The following GRID2 variants were observed in gnomAD, a reference collection of about 807,000 sequenced individuals.
GRID2 encodes glutamate ionotropic receptor delta type subunit 2, also known as glutamate receptor ionotropic, delta-2.
GRID2 carries 33 observed loss-of-function variants against 114.8 expected under a neutral mutation model. The ratio of observed to expected loss-of-function variants is 0.29; its 90% CI spans 0.22 to 0.38. The LOEUF (loss-of-function observed/expected upper bound fraction) is 0.38, where lower values mean the gene tolerates loss of function less well. Ranked by LOEUF, GRID2 falls within the 10% of genes least tolerant of loss-of-function variation. The pLI is 1.00. For synonymous variants in GRID2, 505 were observed against 449.9 expected (o/e 1.12, Z -1.55); for missense variants, 1,184 against 1,257.7 (o/e 0.94, Z 0.89).
At chr4:93,318,023 T>TATA (rs1560493013) in intron 8 of GRID2, among the ~76,000 whole-genome samples, 2 of 70,822 alleles carry the variant, frequency 2.8e-5, no homozygotes, top group Admixed American at 3.2e-4. Context: ...ATATATATAT[T>TATA]ACTACTTTCT....
intron 1 of GRID2, among the ~76,000 whole-genome samples, chr4:92,587,917 T>A (rs1292184671): frequency 6.6e-6 from 1 of 152,172 alleles, no homozygotes; most frequent in Non-Finnish European, 1.5e-5. Context: ...AGAAGCCCTT[T>A]TTTAAAGACT....
chr4:93,084,774 C>T (rs1004732769), intron 2 of GRID2, among the ~76,000 whole-genome samples: 1 of 152,160 alleles, frequency 6.6e-6, no homozygotes. Context: ...CCAAGAGAAG[C>T]CAAGTGATTT....
At chr4:92,707,130 G>A (rs1048087756) in intron 2 of GRID2, among the ~76,000 whole-genome samples, 4 of 152,098 alleles carry the variant, frequency 2.6e-5, no homozygotes, top group African/African-American at 7.2e-5. Context: ...TAAGTTACAT[G>A]TCTATAAGCT....
At position 92,998,419 on chromosome 4, in the gene GRID2, G is replaced by A. The variant is rs184621353; in HGVS notation, c.245-86576G>A. ...TTCCTGGATTTTCAAATTAAAGTAT[G>A]AGTTGCTTCGAAATTTAATTGAGGC... On this transcript the variant is annotated intron_variant, in intron 2 of 15. Coordinates refer to ENST00000282020, the MANE Select transcript of GRID2 (RefSeq NM_001510.4). 4.6e-5 allele frequency among the ~76,000 whole-genome samples: 7 copies of A among 152,052 alleles called. No individual in the cohort carries two copies. The East Asian group carries it at 1.2e-3, about 25-fold the overall frequency.
At chr4:92,557,660 T>TATATATATATAA (rs969259117) in intron 1 of GRID2, among the ~76,000 whole-genome samples, 25 of 149,824 alleles carry the variant, frequency 1.7e-4, no homozygotes, top group Non-Finnish European at 3.6e-4. Context: ...TATATATATA[T>TATATATATATAA]AACCAAACTG....
chr4:93,054,377 G>A (rs1422549807), intron 2 of GRID2, among the ~76,000 whole-genome samples: 1 of 151,596 alleles, frequency 6.6e-6, no homozygotes, highest in Non-Finnish European at 1.5e-5. Flanking sequence ...AAAAAAACTA[G>A]CACAGTAGGA....
At chr4:93,613,179 T>A (rs1741158694) in intron 13 of GRID2, among the ~76,000 whole-genome samples, 2 of 149,580 alleles carry the variant, frequency 1.3e-5, no homozygotes, top group South Asian at 4.3e-4. Flanking sequence ...CTTTAAACAC[T>A]TCTCTGTATT....
chr4:93,183,731 T>A (rs751776330), intron 4 of GRID2, among the ~76,000 whole-genome samples: 1 of 152,206 alleles, frequency 6.6e-6, no homozygotes, highest in Non-Finnish European at 1.5e-5. Context: ...AGGCACTGAA[T>A]AGAGCAGGAG....
intron 2 of GRID2, among the ~76,000 whole-genome samples, chr4:92,695,353 T>G (rs558691916): frequency 6.6e-6 from 1 of 152,248 alleles, no homozygotes; most frequent in Non-Finnish European, 1.5e-5. Context: ...TTTATTCTTC[T>G]TATTCTTTCT....
chr4:93,623,340 A>G (rs555609511), intron 13 of GRID2, among the ~76,000 whole-genome samples: 17 of 151,830 alleles, frequency 1.1e-4, no homozygotes, highest in African/African-American at 4.1e-4. Flanking sequence ...CTGGTGTGTG[A>G]TGTTCCCCTT....
rs565765627 is a variant in GRID2 at position 92,884,655 on chromosome 4, G to A, written c.245-200340G>A. 1.3e-3 allele frequency: 214 copies of A among 168,510 alleles called. 1 individual carries two copies. Among genetic ancestry groups the A allele is most frequent in the African/African-American group, 4.8e-3 (200 of 41,746 alleles). 10.4% of individuals were successfully genotyped at this position (168,510 alleles called of 1,614,324 possible). On this transcript the variant is annotated intron_variant, in intron 2 of 15. Coordinates refer to ENST00000282020, the MANE Select transcript of GRID2 (RefSeq NM_001510.4). ...CAATATTGTTTTGCCTCAGGGAATAGGGAGGCCTATTGAACATTGAAACTC... is the reference window on the plus strand; with the variant it reads ...CAATATTGTTTTGCCTCAGGGAATAAGGAGGCCTATTGAACATTGAAACTC...
chr4:93,322,047 TC>T (rs1167022214), intron 8 of GRID2, among the ~76,000 whole-genome samples: 1 of 151,918 alleles, frequency 6.6e-6, no homozygotes, highest in Admixed American at 6.6e-5. Flanking sequence ...TCTTTTTTTT[TC>T]TTTTTTTTAT....
At chr4:93,377,933 C>G (rs1485192873) in intron 8 of GRID2, among the ~76,000 whole-genome samples, 1 of 151,972 alleles carries the variant, frequency 6.6e-6, no homozygotes, top group Non-Finnish European at 1.5e-5. Flanking sequence ...ACATGTATAT[C>G]TTGACTTATG....
rs191335453 is a variant in GRID2 at position 92,324,911 on chromosome 4, A to G, written c.88+20167A>G. ...ATACCATTGTAATAATATTAGTGGA[A>G]ATCAGAGTTCAAAATTATCACACTA... is the stretch of plus-strand genomic sequence containing the variant. On this transcript the variant is annotated intron_variant, in intron 1 of 15. Coordinates refer to ENST00000282020, the MANE Select transcript of GRID2 (RefSeq NM_001510.4). Among the ~76,000 whole-genome samples the G allele has an allele frequency of 3.3e-5, 5 of 152,066 alleles. No individual in the cohort carries two copies. The East Asian group carries it at 9.6e-4, about 29-fold the overall frequency.
At chr4:93,637,867 A>G (rs969412782) in intron 14 of GRID2, among the ~76,000 whole-genome samples, 1 of 152,156 alleles carries the variant, frequency 6.6e-6, no homozygotes, top group African/African-American at 2.4e-5. Context: ...CCTCTTATCT[A>G]TCCCATTTCA....
At chr4:93,029,414 G>C (rs1431513611) in intron 2 of GRID2, among the ~76,000 whole-genome samples, 1 of 151,962 alleles carries the variant, frequency 6.6e-6, no homozygotes, top group East Asian at 1.9e-4. Context: ...CCAAATGTGA[G>C]CTTCTTAAAT....
chr4:92,304,826 G>T, intron 1 of GRID2, 82 bp downstream of exon 1: 1 of 950,644 alleles, frequency 1.1e-6, no homozygotes, highest in Non-Finnish European at 1.7e-6. Flanking sequence ...CCCCTCTCCG[G>T]TCTCTGTGTG....
chr4:92,528,025 G>T (rs968242486), intron 1 of GRID2, among the ~76,000 whole-genome samples: 1 of 151,868 alleles, frequency 6.6e-6, no homozygotes, highest in Admixed American at 6.6e-5. Context: ...CACATAATTT[G>T]AATCACTGAA....
At chr4:93,261,526 A>C (rs2149550119) in intron 8 of GRID2, among the ~76,000 whole-genome samples, 1 of 151,908 alleles carries the variant, frequency 6.6e-6, no homozygotes, top group Non-Finnish European at 1.5e-5. Context: ...GGAAAGGGTA[A>C]AGAAAATTTC....
Sources: gnomAD v4.1 joint callset for allele counts (sites outside exome capture counted in the v4.1 genomes callset) on GRCh38, gnomAD v4.1.1 for gene constraint, MANE v1.5 for transcripts, NCBI Gene and HGNC (gene_info 2026-07-23, HGNC 2026-07-21) for gene names.